Variants in PAWR observed in about 807,000 individuals in gnomAD.
PAWR encodes pro-apoptotic WT1 regulator.
PAWR carries 23 observed loss-of-function variants against 32.0 expected under a neutral mutation model. That is an observed-to-expected ratio of 0.72 (90% CI 0.52 to 1.02). The LOEUF (loss-of-function observed/expected upper bound fraction) is 1.02, where lower values mean the gene tolerates loss of function less well. Among genes scored for constraint, PAWR ranks in the 50% least tolerant of loss-of-function variants. The pLI is 0.00. For synonymous variants in PAWR, 226 were observed against 187.1 expected (o/e 1.21, Z -1.70); for missense variants, 457 against 437.7 (o/e 1.04, Z -0.39).
intron 2 of PAWR, among the ~76,000 whole-genome samples, chr12:79,666,553 C>T (rs1013375096): frequency 4.6e-5 from 7 of 152,144 alleles, no homozygotes; most frequent in Non-Finnish European, 8.8e-5. Flanking sequence ...CACAAAGTTT[C>T]CAACGGTTAC....
At chr12:79,632,322 T>TATATATATATAC (rs1875697762) in intron 2 of PAWR, among the ~76,000 whole-genome samples, 1 of 28,748 alleles carries the variant, frequency 3.5e-5, no homozygotes, top group Non-Finnish European at 5.0e-5. Flanking sequence ...CATATATATA[T>TATATATATATAC]ATATATATAT....
rs748440587 is a variant in PAWR at position 79,689,797 on chromosome 12, G to C, written c.448C>G (p.Gln150Glu). 1 of 1,594,914 alleles carries C rather than the reference G, an allele frequency of 6.3e-7. No individual in the cohort carries two copies. The highest frequency in any genetic ancestry group is 8.5e-7 in the Non-Finnish European group (1 of 1,171,634). Residue 150 changes from glutamine to glutamate, a missense_variant, in exon 2 of 7, where the codon CAG becomes GAG. Physicochemically the swap from Gln to Glu is conservative, Grantham distance 29. Coordinates refer to ENST00000328827, the MANE Select transcript of PAWR (RefSeq NM_002583.4). ...SGPSARKGKGQIEKRKLREKR... is the reference protein window; with the variant it reads ...SGPSARKGKGEIEKRKLREKR... ...TCCCGCAGCTTCCTCTTCTCGATCT[G>C]CCCCTTGCCTTTCCTGGCACTGGGG...
intron 2 of PAWR, among the ~76,000 whole-genome samples, chr12:79,675,671 C>T (rs542656086): frequency 9.9e-5 from 15 of 152,056 alleles, no homozygotes; most frequent in South Asian, 4.2e-4. Flanking sequence ...AGTTATAAGA[C>T]GGAGCTAAAT....
rs1196812580 is a variant in PAWR at position 79,592,637 on chromosome 12, AAG to A, written c.991_992del (p.Leu331PhefsTer22). On this transcript the variant is annotated frameshift_variant, in exon 7 of 7. Coordinates refer to ENST00000328827, the MANE Select transcript of PAWR (RefSeq NM_002583.4). LOFTEE classifies it high-confidence loss of function. ...TGGTCAGCTGACCCACAACTTTCAA[AAG>A]AGTTTTATTTTCCTGCTTTAGCTGT... ...NEQLKQENKT[L>X]LKVVGQLTR 1 of 769,732 alleles carries A rather than the reference AAG, an allele frequency of 1.3e-6. No homozygotes were observed. Among genetic ancestry groups the A allele is most frequent in the Admixed American group, 1.8e-5 (1 of 55,768 alleles). 47.7% of individuals were successfully genotyped at this position (769,732 alleles called of 1,614,324 possible).
intron 2 of PAWR, among the ~76,000 whole-genome samples, chr12:79,639,323 A>C (rs1422441749): frequency 1.3e-5 from 2 of 152,012 alleles, no homozygotes; most frequent in Non-Finnish European, 2.9e-5. Flanking sequence ...CTTATTATTC[A>C]CTTTTAAAAT....
intron 4 of PAWR, among the ~76,000 whole-genome samples, chr12:79,608,629 A>G (rs1566000440): frequency 6.6e-6 from 1 of 152,220 alleles, no homozygotes; most frequent in South Asian, 2.1e-4. Context: ...GTTATGTAGA[A>G]GTCTTATCAT....
intron 4 of PAWR, among the ~76,000 whole-genome samples, chr12:79,611,260 TTATA>T (rs1366451126): frequency 3.4e-5 from 5 of 146,678 alleles, no homozygotes; most frequent in African/African-American, 1.2e-4. Flanking sequence ...TTATATATAT[TTATA>T]TATAATATAT....
At chr12:79,623,660 CT>C (rs1470078764) in intron 2 of PAWR, among the ~76,000 whole-genome samples, 1 of 151,890 alleles carries the variant, frequency 6.6e-6, no homozygotes, top group Admixed American at 6.6e-5. Context: ...AAATTAAAAC[CT>C]GCTCTTAAGA....
At position 79,604,706 on chromosome 12, in the gene PAWR, G is replaced by C. The variant is rs757504483; in HGVS notation, c.684-8048C>G. ...TCGTAACAGCTCCTTGCTCTGTGTAGGGTTTATCTCTCTTCCTTTAAATAC... is the reference window on the plus strand; with the variant it reads ...TCGTAACAGCTCCTTGCTCTGTGTACGGTTTATCTCTCTTCCTTTAAATAC... On this transcript the variant is annotated intron_variant, in intron 4 of 6. Coordinates refer to ENST00000328827, the MANE Select transcript of PAWR (RefSeq NM_002583.4). The C allele has an allele frequency of 2.3e-5, 29 of 1,287,808 alleles. No individual in the cohort carries two copies. In the South Asian group the frequency reaches 2.8e-4, roughly 13 times the overall value. The allele number at this position is 1,287,808 out of a possible 1,614,324, so 79.8% of individuals were successfully genotyped here.
intron 2 of PAWR, among the ~76,000 whole-genome samples, chr12:79,678,767 C>G (rs1878293399): frequency 6.6e-6 from 1 of 152,040 alleles, no homozygotes. Flanking sequence ...CCCCTCTTCA[C>G]TTGGAGAATC....
intron 2 of PAWR, among the ~76,000 whole-genome samples, chr12:79,628,891 T>C (rs753488051): frequency 6.6e-6 from 1 of 152,104 alleles, no homozygotes; most frequent in African/African-American, 2.4e-5. Context: ...AGTATACCAG[T>C]GTAAGATTCT....
chr12:79,648,837 ACTTCT>A (rs940470814), intron 2 of PAWR, among the ~76,000 whole-genome samples: 4 of 152,070 alleles, frequency 2.6e-5, no homozygotes, highest in African/African-American at 9.7e-5. Flanking sequence ...TTAGCAATTA[ACTTCT>A]CTAAGTTTTC....
intron 2 of PAWR, among the ~76,000 whole-genome samples, chr12:79,655,611 C>A (rs112751019): frequency 6.6e-6 from 1 of 152,112 alleles, no homozygotes; most frequent in Non-Finnish European, 1.5e-5. Flanking sequence ...AATGCAGATT[C>A]GGATTTCAGG....
chr12:79,641,949 G>T (rs1009790808), intron 2 of PAWR, among the ~76,000 whole-genome samples: 2 of 147,822 alleles, frequency 1.4e-5, no homozygotes, highest in African/African-American at 4.9e-5. Context: ...AAATATTTGA[G>T]ATGCTACAAG....
At chr12:79,684,624 A>G (rs1417454957) in intron 2 of PAWR, among the ~76,000 whole-genome samples, 2 of 152,120 alleles carry the variant, frequency 1.3e-5, no homozygotes, top group Non-Finnish European at 2.9e-5. Flanking sequence ...CCTCAAAAAA[A>G]AAAGAAAGAA....
intron 3 of PAWR, among the ~76,000 whole-genome samples, chr12:79,613,946 T>C (rs1188209913): frequency 0.024 from 160 of 6,626 alleles, 5 homozygotes; most frequent in African/African-American, 0.11. Flanking sequence ...TATATATATA[T>C]ATATATATAT....
At chr12:79,594,506 C>T in intron 5 of PAWR, 73 bp from the exon 6 acceptor site, 1 of 710,924 alleles carries the variant, frequency 1.4e-6, no homozygotes, top group Non-Finnish European at 2.4e-6. Flanking sequence ...TGGCATATAT[C>T]TCCCCAATTT....
At chr12:79,653,241 G>A (rs1359195311) in intron 2 of PAWR, among the ~76,000 whole-genome samples, 1 of 151,982 alleles carries the variant, frequency 6.6e-6, no homozygotes, top group Non-Finnish European at 1.5e-5. Context: ...TCACCATGTT[G>A]GCCAGGCTGG....
intron 2 of PAWR, among the ~76,000 whole-genome samples, chr12:79,675,750 G>T (rs1457007372): frequency 6.6e-6 from 1 of 152,156 alleles, no homozygotes; most frequent in African/African-American, 2.4e-5. Flanking sequence ...GAGGGTGGGA[G>T]AAGGGTAAGG....
Sources: allele counts gnomAD v4.1 joint callset (sites outside exome capture counted in the v4.1 genomes callset), GRCh38; gene constraint gnomAD v4.1.1; transcripts MANE v1.5; gene names NCBI Gene and HGNC (gene_info 2026-07-23, HGNC 2026-07-21).